USH2A: variants seen among roughly 807,000 people sequenced by gnomAD.
USH2A encodes Usher syndrome 2A (autosomal recessive, mild).
USH2A carries 443 observed loss-of-function variants against 538.9 expected under a neutral mutation model. The ratio of observed to expected loss-of-function variants is 0.82; its 90% CI spans 0.76 to 0.89. The LOEUF is 0.89. Among genes scored for constraint, USH2A ranks in the 40% least tolerant of loss-of-function variants. The probability of loss-of-function intolerance (pLI) is 0.00; values close to 1 mark genes in which losing one functional copy is unlikely to be tolerated. For missense variants in USH2A, 6,633 were observed against 6,324.8 expected, an observed-to-expected ratio of 1.05 and a Z score of -1.65; for synonymous variants, 2,413 against 2,273.5, an observed-to-expected ratio of 1.06 and a Z score of -1.75.
intron 30 of USH2A, among the ~76,000 whole-genome samples, chr1:216,061,563 T>C (rs1020216887): frequency 1.3e-5 from 2 of 152,220 alleles, no homozygotes; most frequent in Non-Finnish European, 2.9e-5. Context: ...ACAGCAGAAT[T>C]ACCTGAGATA....
At chr1:216,106,565 T>TC (rs1254843725) in intron 21 of USH2A, among the ~76,000 whole-genome samples, 2 of 151,412 alleles carry the variant, frequency 1.3e-5, no homozygotes, top group African/African-American at 2.4e-5. Context: ...CTTTTCTCTC[T>TC]CCCCCCTCCT....
chr1:215,770,335 C>G (rs893309977), intron 55 of USH2A, among the ~76,000 whole-genome samples: 5 of 151,924 alleles, frequency 3.3e-5, no homozygotes, highest in African/African-American at 1.2e-4. Context: ...TGGTAGAAAC[C>G]ATTGCAGCTG....
In USH2A at chr1:215,848,128, G is replaced by A. The variant is rs1388762604; in HGVS notation, c.8846-2095C>T. Among the ~76,000 whole-genome samples the A allele has an allele frequency of 4.6e-5, 7 of 152,206 alleles. No homozygotes were observed. In the South Asian group the frequency reaches 6.2e-4, roughly 14 times the overall value. On this transcript the variant is annotated intron_variant, in intron 44 of 71. Transcript: ENST00000307340. Reference sequence around the variant, plus strand: ...AACATTTTCCTGAATGATAATATTCGTCAAGTACAGCAAAGCCATGGGTGT... The same window carrying A: ...AACATTTTCCTGAATGATAATATTCATCAAGTACAGCAAAGCCATGGGTGT...
At chr1:215,899,591 C>G (rs1665437784) in intron 40 of USH2A, among the ~76,000 whole-genome samples, 1 of 152,122 alleles carries the variant, frequency 6.6e-6, no homozygotes, top group African/African-American at 2.4e-5. Context: ...ATACTGCTAT[C>G]AGATTATACT....
chr1:215,765,232 C>T (rs1462719779), intron 56 of USH2A, among the ~76,000 whole-genome samples: 2 of 152,004 alleles, frequency 1.3e-5, no homozygotes, highest in Non-Finnish European at 2.9e-5. Context: ...TCAAAGTATC[C>T]ATTTGATAGT....
chr1:215,996,351 G>C (rs576095832), intron 34 of USH2A, among the ~76,000 whole-genome samples: 2 of 152,128 alleles, frequency 1.3e-5, no homozygotes, highest in South Asian at 4.1e-4. Flanking sequence ...GCCACTTCCA[G>C]GAATCTTTCA....
chr1:215,630,174 A>G (rs1185383326), intron 70 of USH2A: 1 of 503,084 alleles, frequency 2.0e-6, no homozygotes, highest in South Asian at 1.4e-5. Context: ...GCATTCATGC[A>G]GCACACAGAG....
intron 30 of USH2A, among the ~76,000 whole-genome samples, chr1:216,058,548 G>C (rs1437956069): frequency 7.0e-6 from 1 of 142,800 alleles, no homozygotes. Flanking sequence ...TAGTGGTTGG[G>C]TTCTATTCTG....
chr1:215,803,119 G>C (rs967934126), intron 49 of USH2A, among the ~76,000 whole-genome samples: 2 of 152,134 alleles, frequency 1.3e-5, no homozygotes, highest in African/African-American at 4.8e-5. Flanking sequence ...ATTAGGTATT[G>C]ATGGGATGTA....
At chr1:216,069,941 A>T (rs563477897) in intron 30 of USH2A, among the ~76,000 whole-genome samples, 160 bp downstream of exon 30, 5 of 152,190 alleles carry the variant, frequency 3.3e-5, no homozygotes, top group Admixed American at 6.6e-5. Context: ...TCCTAGGTAG[A>T]TGCAGGCTTC....
intron 62 of USH2A, among the ~76,000 whole-genome samples, chr1:215,677,346 T>C (rs1469835267): frequency 1.3e-5 from 2 of 152,192 alleles, no homozygotes; most frequent in African/African-American, 4.8e-5. Flanking sequence ...TTATTTCTAT[T>C]CGTGTTTAAA....
intron 58 of USH2A, among the ~76,000 whole-genome samples, chr1:215,749,164 T>C (rs1286264495): frequency 6.6e-6 from 1 of 152,216 alleles, no homozygotes; most frequent in Non-Finnish European, 1.5e-5. Context: ...CTCCAATTCA[T>C]CTGAGGTTGT....
At chr1:216,269,633 T>C (rs1237071544) in intron 11 of USH2A, among the ~76,000 whole-genome samples, 1 of 152,108 alleles carries the variant, frequency 6.6e-6, no homozygotes, top group Non-Finnish European at 1.5e-5. Flanking sequence ...CCTACACCTG[T>C]GAAGAGCTGA....
intron 61 of USH2A, among the ~76,000 whole-genome samples, chr1:215,704,235 G>T (rs549092304): frequency 1.1e-4 from 16 of 152,318 alleles, no homozygotes; most frequent in African/African-American, 3.8e-4. Flanking sequence ...ACTGGGAGCT[G>T]CAGACTGGAG....
intron 20 of USH2A, 112 bp from the exon 21 acceptor site, chr1:216,175,594 C>A: frequency 9.6e-7 from 1 of 1,042,552 alleles, no homozygotes; most frequent in Non-Finnish European, 1.5e-6. Context: ...CAAATCAAAT[C>A]AGTTGTGGTT....
chr1:216,330,285 T>G (rs1007777803), intron 4 of USH2A, among the ~76,000 whole-genome samples: 1 of 152,094 alleles, frequency 6.6e-6, no homozygotes, highest in African/African-American at 2.4e-5. Flanking sequence ...TAGATAAACA[T>G]AATGAATGAG....
At chr1:216,420,686 T>A (rs1407263368) in intron 2 of USH2A, among the ~76,000 whole-genome samples, 1 of 152,186 alleles carries the variant, frequency 6.6e-6, no homozygotes, top group East Asian at 1.9e-4. Context: ...AAAGACAATG[T>A]TTTAAGACTC....
intron 64 of USH2A, among the ~76,000 whole-genome samples, chr1:215,668,535 CT>C (rs1175624196): frequency 6.6e-6 from 1 of 152,160 alleles, no homozygotes; most frequent in Non-Finnish European, 1.5e-5. Flanking sequence ...AAATTAAATA[CT>C]TTCATTTGAG....
At chr1:215,781,285 C>T (rs983460915) in intron 54 of USH2A, among the ~76,000 whole-genome samples, 10 of 152,142 alleles carry the variant, frequency 6.6e-5, no homozygotes, top group East Asian at 1.9e-4. Flanking sequence ...TATCTGCTTC[C>T]GCCACCCTGC....
Sources: allele counts gnomAD v4.1 joint callset (sites outside exome capture counted in the v4.1 genomes callset), GRCh38; gene constraint gnomAD v4.1.1; transcripts MANE v1.5; gene names NCBI Gene and HGNC (gene_info 2026-07-23, HGNC 2026-07-21).